Variants in RPAP3 observed in about 807,000 individuals in gnomAD.
RPAP3 encodes the protein RNA polymerase II associated protein 3.
RPAP3 carries 58 observed loss-of-function variants against 88.8 expected under a neutral mutation model. The observed-to-expected ratio is 0.65, with a 90% CI of 0.53 to 0.81. The LOEUF is 0.81. Among genes scored for constraint, RPAP3 ranks in the 40% least tolerant of loss-of-function variants. The pLI is 0.00. For missense variants in RPAP3, 751 were observed against 764.3 expected (o/e 0.98, Z 0.20); for synonymous variants, 255 against 259.9 (o/e 0.98, Z 0.18).
intron 13 of RPAP3, 42 bp from the exon 14 acceptor site, chr12:47,669,144 T>C (rs1357811525): frequency 7.1e-7 from 1 of 1,408,586 alleles, no homozygotes; most frequent in African/African-American, 1.4e-5. Flanking sequence ...GAACCATAAA[T>C]AATCATAGCT....
At position 47,701,568 on chromosome 12, in the gene RPAP3, T is replaced by G; in HGVS notation, c.190A>C (p.Lys64Gln). 6.3e-7 allele frequency: 1 copy of G among 1,594,390 alleles called. No homozygotes were observed. Among genetic ancestry groups the G allele is most frequent in the Non-Finnish European group, 8.5e-7 (1 of 1,173,074 alleles). The change falls in exon 3 of 17, where the codon AAG becomes CAG. Residue 64 changes from lysine (K) to glutamine (Q), a missense_variant. Lys to Gln is a moderately conservative substitution (Grantham distance 53, BLOSUM62 1). Coordinates refer to ENST00000005386, the MANE Select transcript of RPAP3 (RefSeq NM_024604.3). Reference protein sequence around the residue: ...PPIRNGNFRKKKKGKAKESSK... With the variant: ...PPIRNGNFRKQKKGKAKESSK... The stretch of plus-strand genomic sequence containing the variant: ...GACTCTTTAGCTTTGCCTTTCTTCT[T>G]TTTCCTAAAATTCCCATTTCGAATA...
intron 9 of RPAP3, among the ~76,000 whole-genome samples, chr12:47,683,821 G>A (rs899584303): frequency 2.0e-5 from 3 of 152,116 alleles, no homozygotes; most frequent in Non-Finnish European, 2.9e-5. Flanking sequence ...ACTTGCCCTA[G>A]GTCTACTCTG....
intron 16 of RPAP3, among the ~76,000 whole-genome samples, chr12:47,665,018 T>C (rs1592465391): frequency 2.0e-5 from 3 of 151,806 alleles, no homozygotes; most frequent in Admixed American, 2.0e-4. Flanking sequence ...CAAGTGAAGA[T>C]ATGTAGGAAG....
At chr12:47,697,408 C>G (rs1939553973) in intron 4 of RPAP3, among the ~76,000 whole-genome samples, 189 bp downstream of exon 4, 1 of 152,084 alleles carries the variant, frequency 6.6e-6, no homozygotes, top group Non-Finnish European at 1.5e-5. Flanking sequence ...GAGATTTGAA[C>G]CCAGGTAATC....
chr12:47,672,445 C>T (rs1939019039), intron 12 of RPAP3, among the ~76,000 whole-genome samples: 1 of 152,158 alleles, frequency 6.6e-6, no homozygotes, highest in South Asian at 2.1e-4. Flanking sequence ...AGCATTTATG[C>T]ACATTATTTC....
chr12:47,685,160 C>A (rs979594787), intron 9 of RPAP3, among the ~76,000 whole-genome samples: 2 of 152,158 alleles, frequency 1.3e-5, no homozygotes, highest in African/African-American at 4.8e-5. Context: ...GGGCAGATCA[C>A]CTGAGGTCAG....
chr12:47,676,602 G>T (rs993473243), intron 12 of RPAP3, among the ~76,000 whole-genome samples: 2 of 152,208 alleles, frequency 1.3e-5, no homozygotes, highest in African/African-American at 4.8e-5. Context: ...ACTACCGTCA[G>T]AGAATACTAC....
Position 47,702,724 on chromosome 12 carries a change from A to G in RPAP3, c.117T>C (p.Asp39=), listed in dbSNP as rs1268807945. The part of the protein sequence containing the change: ...ENWEKDIKQK[D]MELRRQNGVP... ...CACCATTCTGTCTTCTTAGTTCCAT[A>G]TCCTTTTGTTTAATGTCTTTTTCCC... The change falls in exon 2 of 17, where the codon GAT becomes GAC. Residue 39 remains aspartate, a synonymous_variant. Transcript: ENST00000005386. 1 of 1,611,646 alleles carries G rather than the reference A, an allele frequency of 6.2e-7. No homozygotes were observed. Among genetic ancestry groups the G allele is most frequent in the Non-Finnish European group, 8.5e-7 (1 of 1,178,656 alleles).
Position 47,679,608 on chromosome 12 carries a change from T to C in RPAP3, c.1186-14A>G. On this transcript the variant is annotated splice_polypyrimidine_tract_variant and intron_variant, in intron 11 of 16. Transcript: ENST00000005386. ...CTCAATTAATTCCTTGAAAATAAAT[T>C]TATAACCCTAACTTTCAAAATATTT... 6.4e-7 allele frequency: 1 copy of C among 1,561,894 alleles called. No homozygotes were observed. The highest frequency in any genetic ancestry group is 1.2e-5 in the South Asian group (1 of 85,462).
rs376885988 is a variant in RPAP3 at position 47,667,100 on chromosome 12, G to C, written c.1812-20C>G. On this transcript the variant is annotated intron_variant, in intron 15 of 16. Transcript: ENST00000005386. ...TCTTTCCTGAAATAATCCAAATATAGAAACAAATGATCAGTTAAAAGCAGC... is the reference window on the plus strand; with the variant it reads ...TCTTTCCTGAAATAATCCAAATATACAAACAAATGATCAGTTAAAAGCAGC... 4 of 1,146,896 alleles carry C rather than the reference G, an allele frequency of 3.5e-6. No homozygotes were observed. Among genetic ancestry groups the C allele is most frequent in the Non-Finnish European group, 4.8e-6 (4 of 832,116 alleles). 71.0% of individuals were successfully genotyped at this position (1,146,896 alleles called of 1,614,324 possible).
intron 12 of RPAP3, among the ~76,000 whole-genome samples, chr12:47,675,598 G>C (rs1393782428): frequency 6.6e-6 from 1 of 152,182 alleles, no homozygotes; most frequent in Non-Finnish European, 1.5e-5. Flanking sequence ...TGCAATCCCA[G>C]TCTCTGATAA....
At chr12:47,699,991 C>CT (rs34436877) in intron 3 of RPAP3, 27,459 of 119,342 alleles carry the variant, frequency 0.23, 4,021 homozygotes, top group African/African-American at 0.38. Flanking sequence ...TGGAAATGTT[C>CT]TTTTTTTTTT....
rs1939652072 is a variant in RPAP3 at position 47,701,503 on chromosome 12, T to C, written c.255A>G (p.Ile85Met). 6.2e-7 allele frequency: 1 copy of C among 1,603,210 alleles called. No individual in the cohort carries two copies. Among genetic ancestry groups the C allele is most frequent in the Admixed American group, 1.7e-5 (1 of 58,208 alleles). The change falls in exon 3 of 17, where the codon ATA becomes ATG. Residue 85 changes from isoleucine (I) to methionine (M), a missense_variant. Transcript: ENST00000005386. ...KTREENTKNR[I>M]KSYDYEAWAK... ...CCCATGCCTCATAATCATAAGATTT[T>C]ATCCTGTTTTTTGTGTTTTCCTCTC... is the stretch of plus-strand genomic sequence containing the variant.
In RPAP3 at chr12:47,663,145, T is replaced by A. The variant is rs922764832; in HGVS notation, c.*360A>T. On this transcript the variant is annotated 3_prime_UTR_variant, in exon 17 of 17. Transcript: ENST00000005386. The stretch of plus-strand genomic sequence containing the variant: ...TCCTCTTTACAAAGGTAATTATTCA[T>A]ATGCTAATGAAGCAGCTTTGGCAAG... The A allele has an allele frequency of 6.1e-6, 1 of 163,760 alleles. No individual in the cohort carries two copies. Among genetic ancestry groups the A allele is most frequent in the Admixed American group, 6.4e-5 (1 of 15,518 alleles). 10.1% of individuals were successfully genotyped at this position (163,760 alleles called of 1,614,324 possible). A position where few individuals can be genotyped will look rare whatever the true frequency, so the allele number is the denominator to read the frequency against.
chr12:47,685,569 C>T (rs1041002110), intron 9 of RPAP3, among the ~76,000 whole-genome samples: 6 of 151,996 alleles, frequency 3.9e-5, no homozygotes, highest in African/African-American at 1.5e-4. Flanking sequence ...GCAACTCTGC[C>T]CTAGTAGTTA....
chr12:47,689,183 A>G lies in RPAP3; in HGVS notation c.680T>C (p.Val227Ala), dbSNP rs377575216. 8 of 1,407,760 alleles carry G rather than the reference A, an allele frequency of 5.7e-6. No individual in the cohort carries two copies. Among genetic ancestry groups the G allele is most frequent in the East Asian group, 4.7e-5 (2 of 42,812 alleles). 87.2% of individuals were successfully genotyped at this position (1,407,760 alleles called of 1,614,324 possible). A position where few individuals can be genotyped will look rare whatever the true frequency, so the allele number is the denominator to read the frequency against. ...LEEAKKDYER[V>A]LELEPNNFEA... ...AAAGTTATTTGGTTCTAGTTCTAAT[A>G]CTCTTTCATAATCTAAGTAAAAGAG... The change falls in exon 7 of 17, where the codon GTA (valine) becomes GCA (alanine). Residue 227 changes from valine (V) to alanine (A), a missense_variant. Val to Ala is a moderately conservative substitution (Grantham distance 64). Transcript: ENST00000005386.
intron 12 of RPAP3, among the ~76,000 whole-genome samples, chr12:47,673,444 C>CA (rs35080899): frequency 0.032 from 1,963 of 60,584 alleles, 170 homozygotes; most frequent in African/African-American, 0.045. Flanking sequence ...AACTCCGTCT[C>CA]AAAAAAAAAA....
chr12:47,681,657 C>A, intron 10 of RPAP3, 39 bp downstream of exon 10: 1 of 1,601,690 alleles, frequency 6.2e-7, no homozygotes, highest in Non-Finnish European at 8.5e-7. Flanking sequence ...CTTGGGCACT[C>A]ATCAGGATGA....
rs1196452011 is a variant in RPAP3 at position 47,686,804 on chromosome 12, G to C, written c.968C>G (p.Ala323Gly). 1 of 1,601,730 alleles carries C rather than the reference G, an allele frequency of 6.2e-7. No homozygotes were observed. The highest frequency in any genetic ancestry group is 1.8e-5 in the Admixed American group (1 of 57,064). ...CTTCTGAATCTTCAGATAGGCCATAGCTCTGTTAGCTGGAAGAAGGGCATT... is the reference window on the plus strand; with the variant it reads ...CTTCTGAATCTTCAGATAGGCCATACCTCTGTTAGCTGGAAGAAGGGCATT... Reference protein sequence around the residue: ...GANALLPANRAMAYLKIQKYE... With the variant: ...GANALLPANRGMAYLKIQKYE... The change falls in exon 9 of 17, where the codon GCT becomes GGT. Residue 323 changes from alanine (A) to glycine (G), a missense_variant. By Grantham distance (60) the Ala-to-Gly change is moderately conservative (BLOSUM62 0). Coordinates refer to ENST00000005386, the MANE Select transcript of RPAP3 (RefSeq NM_024604.3).
Sources: gnomAD v4.1 joint callset for allele counts (sites outside exome capture counted in the v4.1 genomes callset) on GRCh38, gnomAD v4.1.1 for gene constraint, MANE v1.5 for transcripts, NCBI Gene and HGNC (gene_info 2026-07-23, HGNC 2026-07-21) for gene names.